Variants in CHST11 observed in about 807,000 individuals in gnomAD.
CHST11 encodes carbohydrate sulfotransferase 11, also known as C4S-1.
Under a neutral mutation model 30.4 loss-of-function variants are expected in CHST11, and 9 were observed. The ratio of observed to expected loss-of-function variants is 0.30; its 90% confidence interval spans 0.18 to 0.52. The LOEUF (loss-of-function observed/expected upper bound fraction) is 0.52. Ranked by LOEUF, CHST11 falls within the 20% of genes least tolerant of loss-of-function variation. CHST11 has a pLI of 0.97. For synonymous variants in CHST11, 152 were observed against 187.8 expected, an observed-to-expected ratio of 0.81 and a Z score of 1.56; for missense variants, 348 against 460.6, an observed-to-expected ratio of 0.76 and a Z score of 2.24.
chr12:104,754,723 C>A (rs1263079399), intron 2 of CHST11, among the ~76,000 whole-genome samples: 2 of 152,182 alleles, frequency 1.3e-5, no homozygotes, highest in African/African-American at 4.8e-5. Flanking sequence ...ACTAGCAACT[C>A]TTTCCAGATT....
At chr12:104,556,341 G>A (rs923304191) in intron 1 of CHST11, among the ~76,000 whole-genome samples, 5 of 152,126 alleles carry the variant, frequency 3.3e-5, no homozygotes, top group Non-Finnish European at 7.4e-5. Flanking sequence ...GCTACAGGAA[G>A]AGGATCCCTG....
chr12:104,464,292 T>G (rs2037437785), intron 1 of CHST11, among the ~76,000 whole-genome samples: 1 of 152,030 alleles, frequency 6.6e-6, no homozygotes, highest in Non-Finnish European at 1.5e-5. Flanking sequence ...GGTCTTGAAC[T>G]CCTGACCTTA....
intron 1 of CHST11, among the ~76,000 whole-genome samples, chr12:104,561,676 A>G (rs2038514507): frequency 6.6e-6 from 1 of 152,050 alleles, no homozygotes; most frequent in African/African-American, 2.4e-5. Flanking sequence ...TATCTTCTGT[A>G]TTATTATTGT....
intron 1 of CHST11, among the ~76,000 whole-genome samples, chr12:104,582,525 C>T (rs1369470291): frequency 6.6e-6 from 1 of 152,118 alleles, no homozygotes; most frequent in Non-Finnish European, 1.5e-5. Context: ...ATTATCTTTA[C>T]TAAGGGATGC....
In CHST11 at chr12:104,544,149, AGAAAGAAAGAAAGAAAGAAAG is replaced by A. The variant is rs1420959746; in HGVS notation, c.119-57756_119-57736del. ...TTAAAAAAAAAAAAAAAAGAAAGAA[AGAAAGAAAGAAAGAAAGAAAG>A]AAAGAAAGAAAGACCTGAAAAGAAC... On this transcript the variant is annotated intron_variant, in intron 1 of 2. Coordinates refer to ENST00000303694, the MANE Select transcript of CHST11 (RefSeq NM_018413.6). Among the ~76,000 whole-genome samples the A allele has an allele frequency of 2.6e-4, 36 of 137,200 alleles. 3 individuals are homozygous for A. The South Asian group carries it at 6.1e-3, about 23-fold the overall frequency. 90.0% of individuals were successfully genotyped at this position (137,200 alleles called of 152,430 possible).
chr12:104,691,049 A>G (rs2039891954), intron 2 of CHST11, among the ~76,000 whole-genome samples: 1 of 152,194 alleles, frequency 6.6e-6, no homozygotes, highest in Non-Finnish European at 1.5e-5. Flanking sequence ...GACTCTTACC[A>G]TCTTCTTTCC....
At chr12:104,669,091 G>C (rs922962932) in intron 2 of CHST11, among the ~76,000 whole-genome samples, 3 of 152,218 alleles carry the variant, frequency 2.0e-5, no homozygotes, top group Non-Finnish European at 2.9e-5. Context: ...TGCAGCGTGC[G>C]TTAGACGTAC....
chr12:104,743,856 T>G (rs1412443803), intron 2 of CHST11, among the ~76,000 whole-genome samples: 4 of 152,192 alleles, frequency 2.6e-5, no homozygotes, highest in African/African-American at 7.2e-5. Flanking sequence ...TGAGAACATG[T>G]GGCATTTGGT....
chr12:104,677,626 G>T (rs572759987), intron 2 of CHST11, among the ~76,000 whole-genome samples: 2 of 152,224 alleles, frequency 1.3e-5, no homozygotes, highest in Non-Finnish European at 2.9e-5. Flanking sequence ...AAACCACTAG[G>T]AATTTGGGGG....
At chr12:104,699,808 A>G (rs1368559999) in intron 2 of CHST11, among the ~76,000 whole-genome samples, 2 of 152,234 alleles carry the variant, frequency 1.3e-5, no homozygotes, top group African/African-American at 2.4e-5. Context: ...TGCAGTGACT[A>G]TAGTCACTAT....
intron 1 of CHST11, among the ~76,000 whole-genome samples, chr12:104,575,416 A>C (rs947399151): frequency 6.6e-6 from 1 of 152,162 alleles, no homozygotes; most frequent in Non-Finnish European, 1.5e-5. Context: ...GGATGAGGCC[A>C]TGTCAGGTGG....
intron 2 of CHST11, among the ~76,000 whole-genome samples, chr12:104,693,209 C>T (rs1269276380): frequency 1.3e-5 from 2 of 152,204 alleles, no homozygotes; most frequent in Non-Finnish European, 2.9e-5. Flanking sequence ...CTTTCCAAAT[C>T]TTATCTCCAA....
At chr12:104,492,253 C>CGTAG (rs1211938424) in intron 1 of CHST11, among the ~76,000 whole-genome samples, 8 of 152,186 alleles carry the variant, frequency 5.3e-5, no homozygotes, top group African/African-American at 1.4e-4. Flanking sequence ...CCCACCACTA[C>CGTAG]ACCCAGCTAA....
chr12:104,631,934 T>C (rs2039274373), intron 2 of CHST11, among the ~76,000 whole-genome samples: 1 of 152,140 alleles, frequency 6.6e-6, no homozygotes. Context: ...ACTCATGTCT[T>C]GTACTCCGCT....
At chr12:104,612,650 C>T (rs1477334419) in intron 2 of CHST11, among the ~76,000 whole-genome samples, 1 of 152,158 alleles carries the variant, frequency 6.6e-6, no homozygotes, top group Non-Finnish European at 1.5e-5. Flanking sequence ...GATGCTACGG[C>T]TTTTGAGATA....
intron 2 of CHST11, among the ~76,000 whole-genome samples, chr12:104,643,359 CTTG>C (rs2039396196): frequency 6.6e-6 from 1 of 152,098 alleles, no homozygotes; most frequent in Admixed American, 6.5e-5. Flanking sequence ...AACCGCAAAC[CTTG>C]TTGTTGCTCC....
At chr12:104,615,763 G>A (rs1337180192) in intron 2 of CHST11, among the ~76,000 whole-genome samples, 4 of 152,058 alleles carry the variant, frequency 2.6e-5, no homozygotes, top group African/African-American at 9.7e-5. Flanking sequence ...CCCCGTCTCT[G>A]CCAAAAATAC....
In CHST11 at chr12:104,744,865, ATTTATTTATTTAT is replaced by A. The variant is rs200072886; in HGVS notation, c.205-12081_205-12069del. 8.6e-4 allele frequency among the ~76,000 whole-genome samples: 130 copies of A among 150,560 alleles called. No individual in the cohort carries two copies. The East Asian group carries it at 0.022, about 25-fold the overall frequency. On this transcript the variant is annotated intron_variant, in intron 2 of 2. Transcript: ENST00000303694. ...GCATCATTTATTTATTTATTTATTTATTTATTTATTTATTTATTTATTTTTTGAGACAGAGTCT... is the reference window on the plus strand; with the variant it reads ...GCATCATTTATTTATTTATTTATTTATTATTTATTTTTTGAGACAGAGTCT...
At chr12:104,555,426 A>T (rs747979909) in intron 1 of CHST11, among the ~76,000 whole-genome samples, 3 of 152,196 alleles carry the variant, frequency 2.0e-5, no homozygotes, top group Non-Finnish European at 4.4e-5. Flanking sequence ...ACCTGAGAAG[A>T]TACTTCATTC....
Sources: allele counts gnomAD v4.1 joint callset (sites outside exome capture counted in the v4.1 genomes callset), GRCh38; gene constraint gnomAD v4.1.1; transcripts MANE v1.5; gene names NCBI Gene and HGNC (gene_info 2026-07-23, HGNC 2026-07-21).